Variants in PIP5KL1 observed in about 807,000 individuals in gnomAD.
PIP5KL1 encodes phosphatidylinositol 4-phosphate 5-kinase-like protein 1.
A neutral mutation model predicts 47.6 loss-of-function variants in PIP5KL1; 45 were observed. That is an observed-to-expected ratio of 0.94 (90% CI 0.74 to 1.21). The LOEUF (loss-of-function observed/expected upper bound fraction) is 1.21. PIP5KL1 is among the 50% of genes most tolerant of loss of function. The probability of loss-of-function intolerance (pLI) is 0.00; values close to 1 mark genes in which losing one functional copy is unlikely to be tolerated. For synonymous variants in PIP5KL1, 256 were observed against 234.6 expected (o/e 1.09, Z -0.84); for missense variants, 577 against 547.6 (o/e 1.05, Z -0.54).
At chr9:127,922,618 C>T (rs866566635) in intron 9 of PIP5KL1, among the ~76,000 whole-genome samples, 2 of 135,860 alleles carry the variant, frequency 1.5e-5, no homozygotes, top group African/African-American at 2.7e-5. Flanking sequence ...CGCTTGAACC[C>T]GGGAGGCGGA....
chr9:127,922,707 A>AAAAAG (rs1230856005), intron 9 of PIP5KL1, among the ~76,000 whole-genome samples: 23 of 143,698 alleles, frequency 1.6e-4, no homozygotes, highest in Non-Finnish European at 2.7e-4. Flanking sequence ...AAAAAAAAAA[A>AAAAAG]AAAAGAAAAA....
At chr9:127,926,092 GTCC>G (rs1831357718) in intron 7 of PIP5KL1, 113 bp from the exon 8 acceptor site, 4 of 649,304 alleles carry the variant, frequency 6.2e-6, no homozygotes, top group Non-Finnish European at 1.0e-5. Context: ...ATCATCCCCA[GTCC>G]TCAGCACAAC....
rs889298021 is a variant in PIP5KL1 at position 127,930,008 on chromosome 9, A to T, written c.31-123T>A. 5.0e-6 allele frequency: 5 copies of T among 993,910 alleles called. No homozygotes were observed. The African/African-American group carries it at 8.2e-5, about 16-fold the overall frequency. The allele number at this position is 993,910 out of a possible 1,614,324, so 61.6% of individuals were successfully genotyped here. ...CATCTCTCTCTGCCTCAATTTCTTC[A>T]GCTGTAAAATAGAGATGATGCTGGT... On this transcript the variant is annotated intron_variant, in intron 1 of 9. Transcript: ENST00000388747.
Position 127,922,010 on chromosome 9 carries a change from C to T in PIP5KL1, c.1022G>A (p.Arg341His). 6.3e-7 allele frequency: 1 copy of T among 1,575,726 alleles called. No homozygotes were observed. The change falls in exon 10 of 10, where the codon CGC (arginine) becomes CAC (histidine). Residue 341 changes from arginine (R) to histidine (H), a missense_variant. Coordinates refer to ENST00000388747, the MANE Select transcript of PIP5KL1 (RefSeq NM_001135219.2). Reference sequence around the variant, plus strand: ...GAGATCCACGACGCCCAGGAAATAGCGCTGCTCGGGCCCGTCCAGGATGTG... The same window carrying T: ...GAGATCCACGACGCCCAGGAAATAGTGCTGCTCGGGCCCGTCCAGGATGTG... ...ALHILDGPEQ[R>H]YFLGVVDLAT...
rs1416734663 is a variant in PIP5KL1, at chr9:127,922,126, CAGG to C, written c.918-15_918-13del. 1 of 1,478,028 alleles carries C rather than the reference CAGG, an allele frequency of 6.8e-7. No individual in the cohort carries two copies. The highest frequency in any genetic ancestry group is 2.5e-5 in the East Asian group (1 of 40,120). The allele number at this position is 1,478,028 out of a possible 1,614,324, so 91.6% of individuals were successfully genotyped here. A position where few individuals can be genotyped will look rare whatever the true frequency, so the allele number is the denominator to read the frequency against. ...CCCCTTGCACAGACCTGGGGGCCGA[CAGG>C]AGGGTGAAGCTGCCAGCTCCTCCAG... On this transcript the variant is annotated splice_polypyrimidine_tract_variant and intron_variant, in intron 9 of 9. Coordinates refer to ENST00000388747, the MANE Select transcript of PIP5KL1 (RefSeq NM_001135219.2).
chr9:127,922,698 A>AAAG (rs1226618171), intron 9 of PIP5KL1, among the ~76,000 whole-genome samples: 2 of 146,550 alleles, frequency 1.4e-5, no homozygotes, highest in Non-Finnish European at 3.0e-5. Context: ...CTGTCTCAAA[A>AAAG]AAAAAAAAAA....
Position 127,928,476 on chromosome 9 carries a change from G to A in PIP5KL1, c.236C>T (p.Pro79Leu), listed in dbSNP as rs781205907. Residue 79 changes from proline to leucine, a missense_variant, in exon 3 of 10, where the codon CCC (proline) becomes CTC (leucine). Transcript: ENST00000388747. ...GACCTCCGAGAAATCGTCCCGGGAG[G>A]GCGGCCCCTGCAGGGAGAGGTAGAG... ...VSMDHPPTGP[P>L]SRDDFSEVLT... 37 of 1,594,530 alleles carry A rather than the reference G, an allele frequency of 2.3e-5. No homozygotes were observed. Among genetic ancestry groups the A allele is most frequent in the Non-Finnish European group, 3.0e-5 (35 of 1,172,252 alleles).
chr9:127,929,332 G>C lies in PIP5KL1; in HGVS notation c.228+356C>G, dbSNP rs1252723658. Among the ~76,000 whole-genome samples the C allele has an allele frequency of 6.6e-6, 1 of 152,070 alleles. No homozygotes were observed. The highest frequency in any genetic ancestry group is 6.5e-5 in the Admixed American group (1 of 15,268). ...CCTGAGCTCCAGAGAGGATGGGCTA[G>C]GCCAGCAGGGTGGGGGTGGGGGTCC... On this transcript the variant is annotated intron_variant, in intron 2 of 9. Coordinates refer to ENST00000388747, the MANE Select transcript of PIP5KL1 (RefSeq NM_001135219.2). This position sits in a 1 kb window ranked among gnomAD's most constrained non-coding sequence, Gnocchi z 4.0.
intron 9 of PIP5KL1, 93 bp downstream of exon 9, chr9:127,925,014 T>C: frequency 1.3e-6 from 2 of 1,505,716 alleles, no homozygotes; most frequent in Non-Finnish European, 9.0e-7. Context: ...TGTCTTTGGC[T>C]GCACTGCTCC....
chr9:127,927,497 C>T lies in PIP5KL1; in HGVS notation c.559+151G>A. 4 of 1,456,166 alleles carry T rather than the reference C, an allele frequency of 2.7e-6. No individual in the cohort carries two copies. The highest frequency in any genetic ancestry group is 3.6e-6 in the Non-Finnish European group (4 of 1,106,154). The allele number at this position is 1,456,166 out of a possible 1,614,324, so 90.2% of individuals were successfully genotyped here. On this transcript the variant is annotated intron_variant, in intron 5 of 9. Coordinates refer to ENST00000388747, the MANE Select transcript of PIP5KL1 (RefSeq NM_001135219.2). The surrounding 1 kb of genome is among the most constrained non-coding windows in gnomAD (Gnocchi z 5.5). ...ACCCGATCCCACCCCTAAACACAGC[C>T]CCAGTGGTGCCCCGCCCCCACGTAT...
chr9:127,927,944 C>G lies in PIP5KL1; in HGVS notation c.434+121G>C, dbSNP rs1831387432. ...CGATCTGTCCACCATCCGGCCCTGA[C>G]CCTCCCAGATTAGGGCCGCTCTGTT... On this transcript the variant is annotated intron_variant, in intron 4 of 9. Coordinates refer to ENST00000388747, the MANE Select transcript of PIP5KL1 (RefSeq NM_001135219.2). The surrounding 1 kb of genome is among the most constrained non-coding windows in gnomAD (Gnocchi z 5.5). 1.4e-6 allele frequency: 2 copies of G among 1,445,106 alleles called. No homozygotes were observed. The highest frequency in any genetic ancestry group is 2.7e-5 in the Admixed American group (1 of 36,810). The allele number at this position is 1,445,106 out of a possible 1,614,324, so 89.5% of individuals were successfully genotyped here.
Position 127,921,720 on chromosome 9 carries a change from T to G in PIP5KL1, c.*127A>C. 1 of 1,292,030 alleles carries G rather than the reference T, an allele frequency of 7.7e-7. No individual in the cohort carries two copies. Among genetic ancestry groups the G allele is most frequent in the Non-Finnish European group, 1.0e-6 (1 of 965,412 alleles). The allele number at this position is 1,292,030 out of a possible 1,614,324, so 80.0% of individuals were successfully genotyped here. On this transcript the variant is annotated 3_prime_UTR_variant, in exon 10 of 10. Transcript: ENST00000388747. Reference sequence around the variant, plus strand: ...AAACGGGACTGCGCGGTTACGGTATTAGTTAGGGGATGCTGCCCTCTGGCG... The same window carrying G: ...AAACGGGACTGCGCGGTTACGGTATGAGTTAGGGGATGCTGCCCTCTGGCG...
chr9:127,930,634 G>A (rs1442403081), intron 1 of PIP5KL1, 89 bp downstream of exon 1: 4 of 1,412,312 alleles, frequency 2.8e-6, no homozygotes, highest in Non-Finnish European at 3.7e-6. Flanking sequence ...GGCTTGGATG[G>A]GGGCGTGTCC....
chr9:127,926,302 G>A (rs1372804964), intron 7 of PIP5KL1, among the ~76,000 whole-genome samples: 1 of 150,214 alleles, frequency 6.7e-6, no homozygotes, highest in African/African-American at 2.5e-5. Flanking sequence ...TGTCACCCAG[G>A]CTGGAGTGCA....
At position 127,929,514 on chromosome 9, in the gene PIP5KL1, C is replaced by T. The variant is rs1437013455; in HGVS notation, c.228+174G>A. Among the ~76,000 whole-genome samples the T allele has an allele frequency of 6.6e-6, 1 of 152,034 alleles. No homozygotes were observed. Among genetic ancestry groups the T allele is most frequent in the Non-Finnish European group, 1.5e-5 (1 of 67,998 alleles). On this transcript the variant is annotated intron_variant, in intron 2 of 9. Coordinates refer to ENST00000388747, the MANE Select transcript of PIP5KL1 (RefSeq NM_001135219.2). The surrounding 1 kb of genome is among the most constrained non-coding windows in gnomAD (Gnocchi z 4.0). Reference sequence around the variant, plus strand: ...CACCTGAGTCAGGGGGTTCCTCACACCCCCAACGCACCCCAGACGTTCCAG... The same window carrying T: ...CACCTGAGTCAGGGGGTTCCTCACATCCCCAACGCACCCCAGACGTTCCAG...
At chr9:127,922,254 T>A in intron 9 of PIP5KL1, 140 bp from the exon 10 acceptor site, 1 of 1,120,432 alleles carries the variant, frequency 8.9e-7, no homozygotes, top group Non-Finnish European at 1.2e-6. Context: ...TGAAGTCAGG[T>A]AGACTGAGAA....
In PIP5KL1 at chr9:127,929,654, G is replaced by A. The variant is rs10987776; in HGVS notation, c.228+34C>T. On this transcript the variant is annotated intron_variant, in intron 2 of 9. Transcript: ENST00000388747. This position sits in a 1 kb window ranked among gnomAD's most constrained non-coding sequence, Gnocchi z 4.0. ...CATCAGCCAAGTCTTGCCATTGCTG[G>A]TGTGGAGATTCGTGGGACAGATGGG... The A allele has an allele frequency of 9.4e-3, 14,210 of 1,511,916 alleles. 948 individuals are homozygous for A. In the East Asian group the frequency reaches 0.2, roughly 21 times the overall value. 93.7% of individuals were successfully genotyped at this position (1,511,916 alleles called of 1,614,324 possible). A position where few individuals can be genotyped will look rare whatever the true frequency, so the allele number is the denominator to read the frequency against.
Position 127,921,835 on chromosome 9 carries a change from G to A in PIP5KL1, c.*12C>T, listed in dbSNP as rs2131632924. On this transcript the variant is annotated 3_prime_UTR_variant, in exon 10 of 10. Transcript: ENST00000388747. ...CCATCGTCCAGATCCGGAGAGTGGG[G>A]CCGGGCGCCCGTCACTCCGTGTGCG... is the stretch of plus-strand genomic sequence containing the variant. The A allele has an allele frequency of 6.4e-7, 1 of 1,566,414 alleles. No homozygotes were observed.
chr9:127,928,981 G>T (rs971093071), intron 2 of PIP5KL1, among the ~76,000 whole-genome samples: 1 of 152,232 alleles, frequency 6.6e-6, no homozygotes, highest in Non-Finnish European at 1.5e-5. Flanking sequence ...GCAAGGGAAG[G>T]AGGGCCCAAG....
Sources: allele counts gnomAD v4.1 joint callset (sites outside exome capture counted in the v4.1 genomes callset), GRCh38; gene constraint gnomAD v4.1.1; non-coding constraint Gnocchi (gnomAD v3.1); transcripts MANE v1.5; gene names NCBI Gene and HGNC (gene_info 2026-07-23, HGNC 2026-07-21).